The following SLC7A7 variants were observed in gnomAD, a reference collection of about 807,000 sequenced individuals.
SLC7A7 encodes solute carrier family 7 member 7, also known as Y+L amino acid transporter 1.
SLC7A7 carries 39 observed loss-of-function variants against 47.9 expected under a neutral mutation model. The ratio of observed to expected loss-of-function variants is 0.81; its 90% CI spans 0.63 to 1.06. The LOEUF (loss-of-function observed/expected upper bound fraction) is 1.06, where lower values mean the gene tolerates loss of function less well. Ranked by LOEUF, SLC7A7 falls within the 50% of genes least tolerant of loss-of-function variation. The pLI is 0.00. For missense variants in SLC7A7, 588 were observed against 632.0 expected, an observed-to-expected ratio of 0.93 and a Z score of 0.75; for synonymous variants, 234 against 242.8, an observed-to-expected ratio of 0.96 and a Z score of 0.34.
chr14:22,809,912 G>A (rs1018888760), intron 2 of SLC7A7, among the ~76,000 whole-genome samples: 18 of 151,842 alleles, frequency 1.2e-4, no homozygotes, highest in African/African-American at 2.4e-4. Flanking sequence ...GGTGGCGGGC[G>A]CCTGTAATCC....
intron 2 of SLC7A7, among the ~76,000 whole-genome samples, chr14:22,794,284 A>G (rs1012502148): frequency 3.3e-5 from 5 of 152,214 alleles, no homozygotes; most frequent in African/African-American, 1.2e-4. Context: ...TGGCAAGAAG[A>G]CACACCAAAT....
chr14:22,802,012 A>G (rs575267474), intron 2 of SLC7A7, among the ~76,000 whole-genome samples: 7 of 152,312 alleles, frequency 4.6e-5, no homozygotes, highest in Non-Finnish European at 1.0e-4. Flanking sequence ...AATAAATTCC[A>G]AATTCAACAT....
Position 22,776,275 on chromosome 14 carries a change from T to C in SLC7A7, c.814A>G (p.Ile272Val), listed in dbSNP as rs746698487. 4 of 1,614,202 alleles carry C rather than the reference T, an allele frequency of 2.5e-6. No individual in the cohort carries two copies. The highest frequency in any genetic ancestry group is 2.2e-5 in the East Asian group (1 of 44,882). Residue 272 changes from isoleucine to valine, a missense_variant, in exon 5 of 10, where the codon ATC becomes GTC. Coordinates refer to ENST00000674313, the MANE Select transcript of SLC7A7 (RefSeq NM_003982.4). ...SIGISMPIVT[I>V]IYILTNVAYY... is the part of the protein sequence containing the mutation. ...GCCACATTGGTCAAGATATAGATGA[T>C]GGTGACAATGGGCATGGAGATGCCA...
chr14:22,805,979 A>G (rs8016877), intron 2 of SLC7A7, among the ~76,000 whole-genome samples: 2,311 of 151,274 alleles, frequency 0.015, 55 homozygotes, highest in African/African-American at 0.054. Flanking sequence ...CGTCTCTACT[A>G]AAAATACAAA....
rs1343939154 is a variant in SLC7A7 at position 22,773,255 on chromosome 14, C to T, written c.*355G>A. On this transcript the variant is annotated 3_prime_UTR_variant, in exon 10 of 10. Coordinates refer to ENST00000674313, the MANE Select transcript of SLC7A7 (RefSeq NM_003982.4). ...CATAAACTTTTATTGTCATCCAGCA[C>T]CTGTGATAGTTTCATGTCTCTCTAA... 4 of 435,444 alleles carry T rather than the reference C, an allele frequency of 9.2e-6. No homozygotes were observed. The highest frequency in any genetic ancestry group is 1.8e-5 in the Non-Finnish European group (4 of 225,408). 27.0% of individuals were successfully genotyped at this position (435,444 alleles called of 1,614,324 possible).
At chr14:22,781,661 C>G (rs1353663577) in intron 2 of SLC7A7, among the ~76,000 whole-genome samples, 1 of 152,162 alleles carries the variant, frequency 6.6e-6, no homozygotes, top group East Asian at 1.9e-4. Flanking sequence ...GTCACTCCTC[C>G]TCAGCCAGTC....
At position 22,774,502 on chromosome 14, in the gene SLC7A7, C is replaced by G; in HGVS notation, c.1097G>C (p.Gly366Ala). 5 of 1,614,132 alleles carry G rather than the reference C, an allele frequency of 3.1e-6. No homozygotes were observed. The highest frequency in any genetic ancestry group is 3.4e-6 in the Non-Finnish European group (4 of 1,180,022). Reference sequence around the variant, plus strand: ...GCACAAGTAGATCAATGCCATGATACCCTGTAAGCGTGAGCCTAAGTCAGC... The same window carrying G: ...GCACAAGTAGATCAATGCCATGATAGCCTGTAAGCGTGAGCCTAAGTCAGC... ...FTPVPSLLFN[G>A]IMALIYLCVE... Residue 366 changes from glycine (G) to alanine (A), a missense_variant and splice_region_variant, in exon 8 of 10, where the codon GGT (glycine) becomes GCT (alanine). Transcript: ENST00000674313.
upstream of SLC7A7, among the ~76,000 whole-genome samples, chr14:22,816,844 G>A (rs1013229643): frequency 2.0e-5 from 3 of 151,946 alleles, no homozygotes; most frequent in Admixed American, 6.6e-5. Flanking sequence ...ATTTAATCTA[G>A]GAGGAGGATT....
intron 3 of SLC7A7, among the ~76,000 whole-genome samples, 167 bp from the exon 4 acceptor site, chr14:22,779,104 C>T (rs1284957641): frequency 2.6e-5 from 4 of 152,176 alleles, no homozygotes; most frequent in South Asian, 2.1e-4. Context: ...AGAAGAGAGA[C>T]GTCTATAGAG....
At chr14:22,817,232 C>A, upstream of SLC7A7, 1 of 231,832 alleles carries the variant, frequency 4.3e-6, no homozygotes. Context: ...CAACCTCCAC[C>A]ACCTCCTGGT....
chr14:22,773,790 CAG>C lies in SLC7A7; in HGVS notation c.1430-76_1430-75del, dbSNP rs539031112. On this transcript the variant is annotated intron_variant, in intron 9 of 9. Coordinates refer to ENST00000674313, the MANE Select transcript of SLC7A7 (RefSeq NM_003982.4). ...AGTTCAAGTGTCACTGAATGGAACT[CAG>C]TGTGAGGGGAGTGATTCCACTAAGC... is the stretch of plus-strand genomic sequence containing the variant. The C allele has an allele frequency of 3.9e-4, 595 of 1,542,118 alleles. 5 individuals carry two copies. The African/African-American group carries it at 7.4e-3, about 19-fold the overall frequency.
chr14:22,775,650 G>C (rs1018789932), intron 6 of SLC7A7, 110 bp from the exon 7 acceptor site: 2 of 1,003,734 alleles, frequency 2.0e-6, no homozygotes, highest in Non-Finnish European at 3.2e-6. Flanking sequence ...AAAAGTATTT[G>C]GATAATATGG....
chr14:22,793,376 A>G (rs4246997), intron 2 of SLC7A7, among the ~76,000 whole-genome samples: 131,784 of 152,156 alleles, frequency 0.87, 57,996 homozygotes, highest in East Asian at 0.98. Context: ...ATTCATTCCC[A>G]GGCATAGGCT....
At position 22,813,433 on chromosome 14, in the gene SLC7A7, G is replaced by A. The variant is rs1284213898; in HGVS notation, c.-35C>T. 6.2e-7 allele frequency: 1 copy of A among 1,604,492 alleles called. No individual in the cohort carries two copies. The highest frequency in any genetic ancestry group is 1.1e-5 in the South Asian group (1 of 91,066). ...GAGGAAACCCTTCACCAGCTTCCTG[G>A]CATTGCCCTTTAAGGAAGAAAGATG... On this transcript the variant is annotated 5_prime_UTR_variant, in exon 2 of 10. Coordinates refer to ENST00000674313, the MANE Select transcript of SLC7A7 (RefSeq NM_003982.4).
intron 2 of SLC7A7, among the ~76,000 whole-genome samples, chr14:22,796,086 G>T (rs184400077): frequency 3.9e-5 from 6 of 152,138 alleles, no homozygotes; most frequent in Admixed American, 3.9e-4. Context: ...GTGAATATGG[G>T]CCAGAAAAGG....
At chr14:22,783,419 TC>T (rs1436550204) in intron 2 of SLC7A7, among the ~76,000 whole-genome samples, 4 of 135,072 alleles carry the variant, frequency 3.0e-5, no homozygotes, top group African/African-American at 7.7e-5. Context: ...TTTTTTTTTT[TC>T]GAGACAGTCT....
In SLC7A7 at chr14:22,792,918, T is replaced by TG. The variant is rs1566452029; in HGVS notation, c.500-12868_500-12867insC. On this transcript the variant is annotated intron_variant, in intron 2 of 9. Coordinates refer to ENST00000674313, the MANE Select transcript of SLC7A7 (RefSeq NM_003982.4). ...GAGAAAGGAAAAGAAAAGAAAAATA[T>TG]CTTTTTTTTTTTTTTAAAGACAGAG... Among the ~76,000 whole-genome samples, 177 of 145,216 alleles carry TG rather than the reference T, an allele frequency of 1.2e-3. 2 individuals carry two copies. Among genetic ancestry groups the TG allele is most frequent in the African/African-American group, 3.7e-3 (148 of 39,582 alleles).
chr14:22,815,622 G>C (rs1016003700), upstream of SLC7A7: 2 of 453,948 alleles, frequency 4.4e-6, no homozygotes, highest in Non-Finnish European at 8.8e-6. Flanking sequence ...GTGATAAGAA[G>C]GTGCTCTCTC....
intron 2 of SLC7A7, among the ~76,000 whole-genome samples, chr14:22,784,626 A>G (rs957784335): frequency 1.4e-4 from 22 of 152,102 alleles, no homozygotes; most frequent in Non-Finnish European, 2.9e-4. Context: ...CAAAAAAAAA[A>G]AAGAGAAGTC....
Sources: gnomAD v4.1 joint callset for allele counts (sites outside exome capture counted in the v4.1 genomes callset) on GRCh38, gnomAD v4.1.1 for gene constraint, MANE v1.5 for transcripts, NCBI Gene and HGNC (gene_info 2026-07-23, HGNC 2026-07-21) for gene names.